The following FHAD1 variants were observed in gnomAD, a reference collection of about 807,000 sequenced individuals.
FHAD1 encodes the protein forkhead-associated domain-containing protein 1.
In FHAD1, 146 loss-of-function variants were observed where a neutral mutation model predicts 191.3. The ratio of observed to expected loss-of-function variants is 0.76; its 90% confidence interval spans 0.67 to 0.88. The LOEUF (loss-of-function observed/expected upper bound fraction) is 0.88. Ranked by LOEUF, FHAD1 falls within the 40% of genes least tolerant of loss-of-function variation. FHAD1 has a pLI of 0.00. For missense variants in FHAD1, 1,635 were observed against 1,785.8 expected, an observed-to-expected ratio of 0.92 and a Z score of 1.52; for synonymous variants, 616 against 672.3, an observed-to-expected ratio of 0.92 and a Z score of 1.29.
chr1:15,364,990 T>C (rs1421795880), intron 23 of FHAD1, among the ~76,000 whole-genome samples: 1 of 152,208 alleles, frequency 6.6e-6, no homozygotes, highest in Non-Finnish European at 1.5e-5. Context: ...TCACCATCAC[T>C]GTCCCCCTGT....
chr1:15,363,706 T>C (rs1695532668), intron 23 of FHAD1: 1 of 455,366 alleles, frequency 2.2e-6, no homozygotes, highest in Non-Finnish European at 4.4e-6. Context: ...TGACCTTAAA[T>C]AAATGATTTC....
At chr1:15,280,041 T>C (rs992350809) in intron 3 of FHAD1, among the ~76,000 whole-genome samples, 8 of 152,170 alleles carry the variant, frequency 5.3e-5, no homozygotes, top group Admixed American at 5.2e-4. Context: ...GGAAGTAGCG[T>C]GGCTTGTTTT....
intron 3 of FHAD1, among the ~76,000 whole-genome samples, chr1:15,273,473 G>A (rs1036624740): frequency 2.3e-4 from 25 of 109,630 alleles, no homozygotes; most frequent in Admixed American, 2.1e-3. Context: ...CACACTACAG[G>A]GTTCCTCATG....
intron 19 of FHAD1, among the ~76,000 whole-genome samples, chr1:15,351,810 A>G: frequency 7.0e-6 from 1 of 143,190 alleles, no homozygotes; most frequent in East Asian, 2.3e-4. Flanking sequence ...CCAGGTCTGC[A>G]CTGGGAGATG....
intron 2 of FHAD1, among the ~76,000 whole-genome samples, chr1:15,257,977 G>A (rs1442960697): frequency 6.6e-6 from 1 of 152,150 alleles, no homozygotes; most frequent in Non-Finnish European, 1.5e-5. Context: ...GAGTAGCTGG[G>A]ATTATGGGCA....
In FHAD1 at chr1:15,382,036, A is replaced by G. The variant is rs1427674724; in HGVS notation, c.4031A>G (p.Lys1344Arg). The G allele has an allele frequency of 7.1e-6, 11 of 1,552,074 alleles. No individual in the cohort carries two copies. The East Asian group carries it at 2.4e-4, about 35-fold the overall frequency. Residue 1344 changes from lysine (K) to arginine (R), a missense_variant, in exon 31 of 34, where the codon AAA becomes AGA. Physicochemically the swap from Lys to Arg is conservative, Grantham distance 26. Transcript: ENST00000688493. ...CTCTCCTGTGCACCCAGGCGGAGCA[A>G]AGTGTCCATTGAGATGTACCAGTCG... Reference protein sequence around the residue: ...EKDVEQLRRSKVSIEMYQSQV... With the variant: ...EKDVEQLRRSRVSIEMYQSQV...
At chr1:15,317,966 C>A in intron 10 of FHAD1, 38 bp downstream of exon 10, 2 of 1,305,618 alleles carry the variant, frequency 1.5e-6, no homozygotes, top group Non-Finnish European at 1.1e-6. Context: ...GTGGTGTGGG[C>A]GGTAGCTCCC....
At chr1:15,368,435 G>C (rs1697146361) in intron 25 of FHAD1, among the ~76,000 whole-genome samples, 1 of 152,164 alleles carries the variant, frequency 6.6e-6, no homozygotes, top group Non-Finnish European at 1.5e-5. Context: ...TATTGTCATT[G>C]TCCCATGGGT....
intron 23 of FHAD1, among the ~76,000 whole-genome samples, chr1:15,365,503 T>TTTTTTTTTTTTTG: frequency 7.0e-6 from 1 of 143,512 alleles, no homozygotes; most frequent in African/African-American, 2.7e-5. Context: ...TTTTTTTTTG[T>TTTTTTTTTTTTTG]AGAGACGGGG....
intron 28 of FHAD1, among the ~76,000 whole-genome samples, chr1:15,378,671 C>G (rs1454754238): frequency 1.3e-5 from 2 of 152,170 alleles, no homozygotes; most frequent in Non-Finnish European, 2.9e-5. Flanking sequence ...ATAAATGTGT[C>G]CACTCTTAAT....
At chr1:15,260,178 T>C (rs1005100496) in intron 2 of FHAD1, among the ~76,000 whole-genome samples, 3 of 152,276 alleles carry the variant, frequency 2.0e-5, no homozygotes, top group South Asian at 2.1e-4. Flanking sequence ...GTCAAGAGCA[T>C]GAACTCGGTG....
chr1:15,398,291 A>AAT lies in FHAD1; in HGVS notation c.*879_*880insTA, dbSNP rs1706607382. Among the ~76,000 whole-genome samples the AAT allele has an allele frequency of 1.3e-5, 2 of 151,906 alleles. No individual in the cohort carries two copies. The highest frequency in any genetic ancestry group is 4.8e-5 in the African/African-American group (2 of 41,320). Reference sequence around the variant, plus strand: ...GACTCCATCTCAAAAAAAAAAAAAAAAAATCTGTTTATTGTAATAAATTTA... The same window carrying AAT: ...GACTCCATCTCAAAAAAAAAAAAAAAATAAATCTGTTTATTGTAATAAATTTA... On this transcript the variant is annotated 3_prime_UTR_variant, in exon 34 of 34. Transcript: ENST00000688493.
At chr1:15,364,155 G>T (rs1695681429) in intron 23 of FHAD1, 1 of 215,386 alleles carries the variant, frequency 4.6e-6, no homozygotes, top group Non-Finnish European at 9.4e-6. Flanking sequence ...TTGCAGCCAA[G>T]AACACACTCA....
chr1:15,315,476 G>A (rs55734979), intron 8 of FHAD1, among the ~76,000 whole-genome samples: 2,152 of 143,114 alleles, frequency 0.015, 50 homozygotes, highest in African/African-American at 0.05. Context: ...TATCGGACAT[G>A]GGTGTTTCCT....
intron 19 of FHAD1, among the ~76,000 whole-genome samples, chr1:15,352,633 C>G (rs1216802146): frequency 6.6e-6 from 1 of 152,162 alleles, no homozygotes; most frequent in Non-Finnish European, 1.5e-5. Flanking sequence ...AACACCAGCC[C>G]TGAAGTCTTG....
At chr1:15,374,209 A>T (rs1340247805) in intron 26 of FHAD1, among the ~76,000 whole-genome samples, 2 of 152,230 alleles carry the variant, frequency 1.3e-5, no homozygotes, top group African/African-American at 4.8e-5. Flanking sequence ...ATGACAGCGA[A>T]TGGAAACCTA....
In FHAD1 at chr1:15,358,167, C is replaced by G; in HGVS notation, c.2620C>G (p.Leu874Val). The G allele has an allele frequency of 6.5e-7, 1 of 1,530,078 alleles. No homozygotes were observed. The allele number at this position is 1,530,078 out of a possible 1,614,324, so 94.8% of individuals were successfully genotyped here. A position where few individuals can be genotyped will look rare whatever the true frequency, so the allele number is the denominator to read the frequency against. ...TTTAAATAATAAATTAAGTGACGCA[C>G]TGGCCATGGTTGAAGAGACTCAGAA... is the stretch of plus-strand genomic sequence containing the variant. ...DVLNNKLSDA[L>V]AMVEETQKTK... is the part of the protein sequence containing the mutation. The change falls in exon 21 of 34, where the codon CTG (leucine) becomes GTG (valine). Residue 874 changes from leucine (L) to valine (V), a missense_variant. Coordinates refer to ENST00000688493, the MANE Select transcript of FHAD1 (RefSeq NM_001391957.1).
At chr1:15,277,970 C>T (rs991420254) in intron 3 of FHAD1, among the ~76,000 whole-genome samples, 10 of 152,112 alleles carry the variant, frequency 6.6e-5, no homozygotes, top group African/African-American at 2.2e-4. Context: ...CTCCATTTTA[C>T]AGGTGAGGCA....
intron 6 of FHAD1, among the ~76,000 whole-genome samples, chr1:15,302,945 C>T (rs369124423): frequency 1.3e-4 from 20 of 152,174 alleles, no homozygotes; most frequent in Non-Finnish European, 1.3e-4. Flanking sequence ...TGGTGAACCT[C>T]GAAGAGTCTT....
Sources: gnomAD v4.1 joint callset for allele counts (sites outside exome capture counted in the v4.1 genomes callset) on GRCh38, gnomAD v4.1.1 for gene constraint, MANE v1.5 for transcripts, NCBI Gene and HGNC (gene_info 2026-07-23, HGNC 2026-07-21) for gene names.